FKTN: variants seen among roughly 807,000 people sequenced by gnomAD.
The protein encoded by FKTN is fukutin, also known as ribitol-5-phosphate transferase FKTN.
FKTN carries 47 observed loss-of-function variants against 58.6 expected under a neutral mutation model. The observed-to-expected ratio is 0.80, with a 90% CI of 0.63 to 1.02. The LOEUF (loss-of-function observed/expected upper bound fraction) is 1.02, where lower values mean the gene tolerates loss of function less well. Ranked by LOEUF, FKTN falls within the 50% of genes least tolerant of loss-of-function variation. The probability of loss-of-function intolerance (pLI) is 0.00; values close to 1 mark genes in which losing one functional copy is unlikely to be tolerated. For missense variants in FKTN, 516 were observed against 537.3 expected, an observed-to-expected ratio of 0.96 and a Z score of 0.39; for synonymous variants, 178 against 191.9, an observed-to-expected ratio of 0.93 and a Z score of 0.60.
chr9:105,627,057 C>A (rs1431806205), intron 10 of FKTN, among the ~76,000 whole-genome samples: 1 of 151,244 alleles, frequency 6.6e-6, no homozygotes, highest in Non-Finnish European at 1.5e-5. Context: ...ACTGCAACCT[C>A]CACCTCCCAG....
chr9:105,626,981 C>CTTTTTTT (rs60710867), intron 10 of FKTN, among the ~76,000 whole-genome samples: 1,482 of 127,882 alleles, frequency 0.012, 33 homozygotes, highest in African/African-American at 0.042. Flanking sequence ...CTTCTTTATT[C>CTTTTTTT]TTTTTTTTTT....
chr9:105,621,807 A>G (rs1832013089), intron 10 of FKTN, among the ~76,000 whole-genome samples: 1 of 152,086 alleles, frequency 6.6e-6, no homozygotes, highest in Admixed American at 6.6e-5. Flanking sequence ...TAATTTATTC[A>G]ACCAATTCCC....
intron 10 of FKTN, among the ~76,000 whole-genome samples, chr9:105,629,063 C>T (rs1034667896): frequency 6.6e-6 from 1 of 152,018 alleles, no homozygotes; most frequent in Non-Finnish European, 1.5e-5. Context: ...TAACTTATAC[C>T]TCAAAAGAAG....
intron 3 of FKTN, among the ~76,000 whole-genome samples, chr9:105,581,187 C>T (rs960793006): frequency 4.0e-5 from 6 of 149,944 alleles, no homozygotes; most frequent in Non-Finnish European, 8.9e-5. Context: ...ATTCTCCATC[C>T]AGCTTTGTTC....
rs1446294292 is a variant in FKTN, at chr9:105,639,892, A to C, written c.*4628A>C. ...CTGCTCTCCCCTGGACTTCTTTTTC[A>C]ATATTCTAGCCTTTCCTAGATGTAA... On this transcript the variant is annotated 3_prime_UTR_variant, in exon 11 of 11. Coordinates refer to ENST00000357998, the MANE Select transcript of FKTN (RefSeq NM_001079802.2). 2.8e-6 allele frequency: 4 copies of C among 1,404,126 alleles called. No homozygotes were observed. In the East Asian group the frequency reaches 1.0e-4, roughly 37 times the overall value. 87.0% of individuals were successfully genotyped at this position (1,404,126 alleles called of 1,614,324 possible). A position where few individuals can be genotyped will look rare whatever the true frequency, so the allele number is the denominator to read the frequency against.
At chr9:105,612,575 A>G (rs1830133611) in intron 7 of FKTN, among the ~76,000 whole-genome samples, 1 of 152,220 alleles carries the variant, frequency 6.6e-6, no homozygotes, top group Admixed American at 6.5e-5. Context: ...TGAAAAAAGT[A>G]TGTATACTAT....
chr9:105,571,222 G>A (rs892665326), intron 1 of FKTN, among the ~76,000 whole-genome samples: 1 of 152,084 alleles, frequency 6.6e-6, no homozygotes, highest in Non-Finnish European at 1.5e-5. Context: ...TACAATTAGA[G>A]TTTAGAATGA....
chr9:105,601,818 AT>A (rs1434444956), intron 5 of FKTN, among the ~76,000 whole-genome samples: 1 of 152,228 alleles, frequency 6.6e-6, no homozygotes, highest in Non-Finnish European at 1.5e-5. Flanking sequence ...TACAAAGAAT[AT>A]TTTATAATGT....
At chr9:105,579,840 C>T (rs1461869257) in intron 3 of FKTN, among the ~76,000 whole-genome samples, 3 of 151,670 alleles carry the variant, frequency 2.0e-5, no homozygotes, top group African/African-American at 7.3e-5. Context: ...CTTTATGAAT[C>T]TGGGTGCTCC....
chr9:105,566,376 A>T (rs918307075), intron 1 of FKTN, among the ~76,000 whole-genome samples: 1 of 152,260 alleles, frequency 6.6e-6, no homozygotes, highest in South Asian at 2.1e-4. Context: ...TTTTTTGAAA[A>T]GGTCAACAAA....
chr9:105,622,675 A>C (rs1310541888), intron 10 of FKTN, among the ~76,000 whole-genome samples: 2 of 151,868 alleles, frequency 1.3e-5, no homozygotes, highest in African/African-American at 4.8e-5. Flanking sequence ...GACCTGTTTG[A>C]CCCCTAAGCC....
chr9:105,577,679 A>C (rs1190872922), intron 3 of FKTN, among the ~76,000 whole-genome samples: 1 of 151,182 alleles, frequency 6.6e-6, no homozygotes, highest in Non-Finnish European at 1.5e-5. Flanking sequence ...TATGAACTTT[A>C]AAGTAGTTTT....
chr9:105,563,837 A>C (rs1838818990), intron 1 of FKTN, among the ~76,000 whole-genome samples: 1 of 152,174 alleles, frequency 6.6e-6, no homozygotes, highest in Non-Finnish European at 1.5e-5. Context: ...GAGATCTGAG[A>C]ACGGACAGAC....
chr9:105,631,487 A>G (rs1425595291), intron 10 of FKTN, among the ~76,000 whole-genome samples: 2 of 152,134 alleles, frequency 1.3e-5, no homozygotes, highest in Non-Finnish European at 2.9e-5. Flanking sequence ...GGCAACCTAC[A>G]AAATGGGAGA....
Position 105,607,885 on chromosome 9 carries a change from T to C in FKTN, c.714T>C (p.Phe238=). 1 of 1,612,264 alleles carries C rather than the reference T, an allele frequency of 6.2e-7. No homozygotes were observed. The highest frequency in any genetic ancestry group is 8.5e-7 in the Non-Finnish European group (1 of 1,178,422). The change falls in exon 7 of 11, where the codon TTT becomes TTC. Residue 238 remains phenylalanine (F), a synonymous_variant. Coordinates refer to ENST00000357998, the MANE Select transcript of FKTN (RefSeq NM_001079802.2). ...EVLIPKDPMH[F]VEEVPHSRFI... is the part of the protein sequence containing the mutation. Reference sequence around the variant, plus strand: ...TCATTCCAAAGGATCCAATGCACTTTGTAGAAGAAGTACCACACTCTAGGT... The same window carrying C: ...TCATTCCAAAGGATCCAATGCACTTCGTAGAAGAAGTACCACACTCTAGGT...
chr9:105,590,359 T>C (rs1254939644), intron 3 of FKTN, among the ~76,000 whole-genome samples: 1 of 152,214 alleles, frequency 6.6e-6, no homozygotes, highest in African/African-American at 2.4e-5. Flanking sequence ...CCTCCCCAGC[T>C]ACTTGGAACT....
In FKTN at chr9:105,637,601, C is replaced by T. The variant is rs1229241512; in HGVS notation, c.*2337C>T. The T allele has an allele frequency of 3.0e-6, 3 of 985,328 alleles. No individual in the cohort carries two copies. Among genetic ancestry groups the T allele is most frequent in the Non-Finnish European group, 2.4e-6 (2 of 829,944 alleles). The allele number at this position is 985,328 out of a possible 1,614,324, so 61.0% of individuals were successfully genotyped here. A position where few individuals can be genotyped will look rare whatever the true frequency, so the allele number is the denominator to read the frequency against. ...TTAGGTATATCCATCTTCAGTACCT[C>T]ATTGGATCACTTTTCTTTCATCACT... is the stretch of plus-strand genomic sequence containing the variant. On this transcript the variant is annotated 3_prime_UTR_variant, in exon 11 of 11. Coordinates refer to ENST00000357998, the MANE Select transcript of FKTN (RefSeq NM_001079802.2).
At chr9:105,568,896 C>G (rs1201992217) in intron 1 of FKTN, among the ~76,000 whole-genome samples, 1 of 152,172 alleles carries the variant, frequency 6.6e-6, no homozygotes, top group Non-Finnish European at 1.5e-5. Flanking sequence ...ACCCAGATGT[C>G]CATCAGTGAT....
chr9:105,558,709 T>TA (rs1837678554), intron 1 of FKTN, among the ~76,000 whole-genome samples: 1 of 150,986 alleles, frequency 6.6e-6, no homozygotes, highest in Non-Finnish European at 1.5e-5. Flanking sequence ...TTCCAGTCGG[T>TA]AAAAATCAAG....
Sources: gnomAD v4.1 joint callset for allele counts (sites outside exome capture counted in the v4.1 genomes callset) on GRCh38, gnomAD v4.1.1 for gene constraint, MANE v1.5 for transcripts, NCBI Gene and HGNC (gene_info 2026-07-23, HGNC 2026-07-21) for gene names.